Variants in GRK2 observed in about 807,000 individuals in gnomAD.
GRK2 encodes adrenergic beta receptor kinase 1.
A neutral mutation model predicts 97.8 loss-of-function variants in GRK2; 23 were observed. The observed-to-expected ratio is 0.24, with a 90% confidence interval of 0.17 to 0.33. GRK2 has a LOEUF of 0.33. GRK2 is among the 10% of genes least tolerant of loss of function. The pLI is 1.00. For missense variants in GRK2, 633 were observed against 956.9 expected (o/e 0.66, Z 4.47); for synonymous variants, 425 against 381.7 (o/e 1.11, Z -1.32).
intron 1 of GRK2, among the ~76,000 whole-genome samples, chr11:67,275,507 C>T (rs1218206563): frequency 1.3e-5 from 2 of 152,080 alleles, no homozygotes; most frequent in African/African-American, 4.8e-5. Context: ...CAAGTGTTGC[C>T]TCTGCCTGGG....
rs888244299 is a variant in GRK2, at chr11:67,285,596, G to A, written c.*146G>A. 17 of 1,052,544 alleles carry A rather than the reference G, an allele frequency of 1.6e-5. No homozygotes were observed. The highest frequency in any genetic ancestry group is 2.8e-5 in the East Asian group (1 of 35,712). The allele number at this position is 1,052,544 out of a possible 1,614,324, so 65.2% of individuals were successfully genotyped here. ...GGCCCAGCTCCCCCGGGAGGGGCCC[G>A]CTTGCCTCGGCTCCTGCTGCACCAA... On this transcript the variant is annotated 3_prime_UTR_variant, in exon 21 of 21. Coordinates refer to ENST00000308595, the MANE Select transcript of GRK2 (RefSeq NM_001619.5).
In GRK2 at chr11:67,285,564, C is replaced by T; in HGVS notation, c.*114C>T. The T allele has an allele frequency of 7.7e-7, 1 of 1,295,050 alleles. No homozygotes were observed. The highest frequency in any genetic ancestry group is 1.0e-6 in the Non-Finnish European group (1 of 980,710). 80.2% of individuals were successfully genotyped at this position (1,295,050 alleles called of 1,614,324 possible). A position where few individuals can be genotyped will look rare whatever the true frequency, so the allele number is the denominator to read the frequency against. On this transcript the variant is annotated 3_prime_UTR_variant, in exon 21 of 21. Coordinates refer to ENST00000308595, the MANE Select transcript of GRK2 (RefSeq NM_001619.5). ...GTAATTATTGTGATTTCCCGTGGCC[C>T]CAGCCTGGCCCAGCTCCCCCGGGAG...
Position 67,281,986 on chromosome 11 carries a change from C to T in GRK2, c.957+34C>T, listed in dbSNP as rs778050563. On this transcript the variant is annotated intron_variant, in intron 11 of 20. Coordinates refer to ENST00000308595, the MANE Select transcript of GRK2 (RefSeq NM_001619.5). The surrounding 1 kb of genome is among the most constrained non-coding windows in gnomAD (Gnocchi z 5.7). ...CCCTGCTGTCCCCAGGCTGGACCTC[C>T]GTGGCTGTCCTCTCCTTCCTCTCGA... 24 of 1,611,652 alleles carry T rather than the reference C, an allele frequency of 1.5e-5. No individual in the cohort carries two copies. Among genetic ancestry groups the T allele is most frequent in the South Asian group, 3.3e-5 (3 of 91,016 alleles).
At position 67,281,782 on chromosome 11, in the gene GRK2, G is replaced by A; in HGVS notation, c.827-40G>A. 6.2e-7 allele frequency: 1 copy of A among 1,613,668 alleles called. No homozygotes were observed. The highest frequency in any genetic ancestry group is 2.2e-5 in the East Asian group (1 of 44,878). On this transcript the variant is annotated intron_variant, in intron 10 of 20. Transcript: ENST00000308595. The surrounding 1 kb of genome is among the most constrained non-coding windows in gnomAD (Gnocchi z 5.7). ...CCGGGCCCAGGCACGGGAGGCTGGG[G>A]CAAGACACTGAGTGCTGCCTGTGGG... is the stretch of plus-strand genomic sequence containing the variant.
intron 6 of GRK2, 39 bp from the exon 7 acceptor site, chr11:67,280,693 A>G (rs768621551): frequency 3.9e-5 from 63 of 1,613,224 alleles, no homozygotes; most frequent in Non-Finnish European, 5.2e-5. Context: ...TCCTTCCCAC[A>G]TTCTGAGTGG....
rs1405183117 is a variant in GRK2 at position 67,285,201 on chromosome 11, T to A, written c.1905+13T>A. On this transcript the variant is annotated intron_variant, in intron 20 of 20. Coordinates refer to ENST00000308595, the MANE Select transcript of GRK2 (RefSeq NM_001619.5). ...TTTGCAGTGCGATGTGAGTGGGGGC[T>A]GAGCCAGGGATGGGAGGGCCGAGGG... The A allele has an allele frequency of 9.3e-6, 15 of 1,613,052 alleles. No homozygotes were observed. Among genetic ancestry groups the A allele is most frequent in the Non-Finnish European group, 1.3e-5 (15 of 1,179,826 alleles).
At chr11:67,283,072 G>A in intron 14 of GRK2, 56 bp from the exon 15 acceptor site, 1 of 1,554,056 alleles carries the variant, frequency 6.4e-7, no homozygotes, top group South Asian at 1.1e-5. Flanking sequence ...CCCTGAGCTG[G>A]GATGGGGTCA....
Position 67,282,157 on chromosome 11 carries a change from C to G in GRK2, c.958-114C>G. 2 of 1,254,162 alleles carry G rather than the reference C, an allele frequency of 1.6e-6. No homozygotes were observed. Among genetic ancestry groups the G allele is most frequent in the Non-Finnish European group, 2.3e-6 (2 of 882,696 alleles). The allele number at this position is 1,254,162 out of a possible 1,614,324, so 77.7% of individuals were successfully genotyped here. On this transcript the variant is annotated intron_variant, in intron 11 of 20. Transcript: ENST00000308595. The surrounding 1 kb of genome is among the most constrained non-coding windows in gnomAD (Gnocchi z 6.9). ...CAGGAGAGAGGACCCCCACCTTTGC[C>G]CTTTCTTTGGGTACCCATCGTCCTC...
In GRK2 at chr11:67,279,186, A is replaced by G; in HGVS notation, c.191-14A>G. On this transcript the variant is annotated splice_polypyrimidine_tract_variant and intron_variant, in intron 2 of 20. Transcript: ENST00000308595. ...GAGAGGCGTGGCTCTGTGACCTTAC[A>G]CTGTTGCCTTCAGGGTACCTGCTCT... 1 of 1,610,848 alleles carries G rather than the reference A, an allele frequency of 6.2e-7. No individual in the cohort carries two copies. The highest frequency in any genetic ancestry group is 8.5e-7 in the Non-Finnish European group (1 of 1,178,328).
At position 67,276,957 on chromosome 11, in the gene GRK2, CTT is replaced by C; in HGVS notation, c.114-314_114-313del. 1 of 256,272 alleles carries C rather than the reference CTT, an allele frequency of 3.9e-6. No individual in the cohort carries two copies. The highest frequency in any genetic ancestry group is 7.6e-5 in the East Asian group (1 of 13,108). 15.9% of individuals were successfully genotyped at this position (256,272 alleles called of 1,614,324 possible). On this transcript the variant is annotated intron_variant, in intron 1 of 20. Coordinates refer to ENST00000308595, the MANE Select transcript of GRK2 (RefSeq NM_001619.5). This position sits in a 1 kb window ranked among gnomAD's most constrained non-coding sequence, Gnocchi z 4.2. ...CACAAACCAGGCTTGGCTTTTGTGACTTGGCCAAGTTCCCAAAGCCAGCCGGT... is the reference window on the plus strand; with the variant it reads ...CACAAACCAGGCTTGGCTTTTGTGACGGCCAAGTTCCCAAAGCCAGCCGGT...
intron 2 of GRK2, among the ~76,000 whole-genome samples, chr11:67,278,753 C>T (rs1372791398): frequency 6.6e-6 from 1 of 152,212 alleles, no homozygotes; most frequent in Admixed American, 6.5e-5. Context: ...TGACCTGGCC[C>T]CGGTGGCCAC....
intron 1 of GRK2, among the ~76,000 whole-genome samples, chr11:67,272,041 A>G (rs989301107): frequency 2.0e-5 from 3 of 152,180 alleles, no homozygotes; most frequent in Non-Finnish European, 2.9e-5. Context: ...GCCAGCTTGC[A>G]CCGTCCTGGC....
intron 1 of GRK2, 122 bp from the exon 2 acceptor site, chr11:67,277,150 G>C: frequency 1.2e-6 from 1 of 864,898 alleles, no homozygotes. Context: ...TAGGCCTGAC[G>C]GGCTGGCCTC....
rs759448861 is a variant in GRK2, at chr11:67,281,747, C to G, written c.826+19C>G. ...ATGAACGGTGAGTGCTGGCCGGGCC[C>G]TAGGGTGGGCCGGGCCCAGGCACGG... On this transcript the variant is annotated intron_variant, in intron 10 of 20. Coordinates refer to ENST00000308595, the MANE Select transcript of GRK2 (RefSeq NM_001619.5). This position sits in a 1 kb window ranked among gnomAD's most constrained non-coding sequence, Gnocchi z 5.7. 4 of 1,613,168 alleles carry G rather than the reference C, an allele frequency of 2.5e-6. No homozygotes were observed. The highest frequency in any genetic ancestry group is 2.2e-5 in the East Asian group (1 of 44,854).
rs903736576 is a variant in GRK2 at position 67,266,878 on chromosome 11, C to T, written c.113+66C>T. On this transcript the variant is annotated intron_variant, in intron 1 of 20. Coordinates refer to ENST00000308595, the MANE Select transcript of GRK2 (RefSeq NM_001619.5). ...GCGCCCCGGCCGCGGCCCCGAGACC[C>T]TGGCCCCATGCTCGACCCCGCGACC... 10 of 781,182 alleles carry T rather than the reference C, an allele frequency of 1.3e-5. No homozygotes were observed. In the South Asian group the frequency reaches 4.0e-4, roughly 32 times the overall value. 48.4% of individuals were successfully genotyped at this position (781,182 alleles called of 1,614,324 possible).
At chr11:67,271,384 G>T (rs746961570) in intron 1 of GRK2, among the ~76,000 whole-genome samples, 1 of 152,236 alleles carries the variant, frequency 6.6e-6, no homozygotes, top group Non-Finnish European at 1.5e-5. Flanking sequence ...GGGTTTTCTG[G>T]TATTAACATG....
Position 67,281,755 on chromosome 11 carries a change from G to T in GRK2, c.826+27G>T, listed in dbSNP as rs752437203. On this transcript the variant is annotated intron_variant, in intron 10 of 20. Transcript: ENST00000308595. The surrounding 1 kb of genome is among the most constrained non-coding windows in gnomAD (Gnocchi z 5.7). ...TGAGTGCTGGCCGGGCCCTAGGGTG[G>T]GCCGGGCCCAGGCACGGGAGGCTGG... The T allele has an allele frequency of 6.2e-7, 1 of 1,613,594 alleles. No homozygotes were observed. Among genetic ancestry groups the T allele is most frequent in the South Asian group, 1.1e-5 (1 of 91,080 alleles).
Position 67,281,135 on chromosome 11 carries a change from G to A in GRK2, c.598G>A (p.Gly200Arg), listed in dbSNP as rs1860140189. ...DFSVHRIIGR[G>R]GFGEVYGCRK... ...CAGCGTGCATCGCATCATTGGGCGCGGGGGCTTTGGCGAGGTCTATGGGTG... is the reference window on the plus strand; with the variant it reads ...CAGCGTGCATCGCATCATTGGGCGCAGGGGCTTTGGCGAGGTCTATGGGTG... The change falls in exon 8 of 21, where the codon GGG (glycine) becomes AGG (arginine). Residue 200 changes from glycine (G) to arginine (R), a missense_variant. Transcript: ENST00000308595. This position sits in a 1 kb window ranked among gnomAD's most constrained non-coding sequence, Gnocchi z 5.7. 4 of 1,613,418 alleles carry A rather than the reference G, an allele frequency of 2.5e-6. No individual in the cohort carries two copies. Among genetic ancestry groups the A allele is most frequent in the Non-Finnish European group, 3.4e-6 (4 of 1,179,740 alleles).
intron 1 of GRK2, among the ~76,000 whole-genome samples, chr11:67,275,647 C>T (rs549539646): frequency 2.2e-4 from 34 of 152,348 alleles, no homozygotes; most frequent in South Asian, 6.2e-4. Context: ...CCCTCCGCCT[C>T]ACCATGGCCT....
Sources: allele counts gnomAD v4.1 joint callset (sites outside exome capture counted in the v4.1 genomes callset), GRCh38; gene constraint gnomAD v4.1.1; non-coding constraint Gnocchi (gnomAD v3.1); transcripts MANE v1.5; gene names NCBI Gene and HGNC (gene_info 2026-07-23, HGNC 2026-07-21).